Variants in DNAH17 observed in about 807,000 individuals in gnomAD.
DNAH17 encodes the protein dynein axonemal heavy chain 17, also known as axonemal beta dynein heavy chain 17.
In DNAH17, 376 loss-of-function variants were observed where a neutral mutation model predicts 485.6. The observed-to-expected ratio is 0.77, with a 90% CI of 0.71 to 0.84. The LOEUF is 0.84. DNAH17 is among the 40% of genes least tolerant of loss of function. The pLI, the probability that DNAH17 is intolerant of heterozygous loss-of-function variation, is 0.00. For missense variants in DNAH17, 6,370 were observed against 5,839.3 expected (o/e 1.09, Z -2.96); for synonymous variants, 3,031 against 2,405.9 (o/e 1.26, Z -7.60).
chr17:78,486,176 G>A (rs577605274), intron 45 of DNAH17, 43 bp from the exon 46 acceptor site: 124 of 1,597,034 alleles, frequency 7.8e-5, no homozygotes, highest in Non-Finnish European at 9.1e-5. Flanking sequence ...AGCTAAGCAG[G>A]ATGCTGAGAG....
rs116306341 is a variant in DNAH17, at chr17:78,438,468, G to A, written c.11806-600C>T. On this transcript the variant is annotated intron_variant, in intron 73 of 80. Coordinates refer to ENST00000389840, the MANE Select transcript of DNAH17 (RefSeq NM_173628.4). ...GAGGGAGGAGGGAGGAGGAGGAGGA[G>A]ATGCTTTTGTCAACCCAGCACTTGT... is the stretch of plus-strand genomic sequence containing the variant. 3.9e-3 allele frequency among the ~76,000 whole-genome samples: 336 copies of A among 86,048 alleles called. 5 individuals carry two copies. Among genetic ancestry groups the A allele is most frequent in the African/African-American group, 0.017 (307 of 17,684 alleles). The allele number at this position is 86,048 out of a possible 152,430, so 56.5% of individuals were successfully genotyped here.
At chr17:78,567,784 G>A (rs945919573) in intron 9 of DNAH17, among the ~76,000 whole-genome samples, 7 of 152,108 alleles carry the variant, frequency 4.6e-5, no homozygotes, top group African/African-American at 9.7e-5. Flanking sequence ...CATCTGCGCC[G>A]CTTGTGTTTG....
intron 52 of DNAH17, 65 bp from the exon 53 acceptor site, chr17:78,475,898 C>T (rs1467247211): frequency 6.4e-7 from 1 of 1,553,754 alleles, no homozygotes; most frequent in Non-Finnish European, 8.7e-7. Context: ...AGATAGTTAA[C>T]AGCAATTCAG....
chr17:78,532,086 C>CAT (rs1014979084), intron 20 of DNAH17, among the ~76,000 whole-genome samples: 49 of 152,342 alleles, frequency 3.2e-4, no homozygotes, highest in Middle Eastern at 3.4e-3. Context: ...CCTCAGCCCT[C>CAT]ATCTCCCTGA....
At chr17:78,493,009 C>G (rs2089929608) in intron 41 of DNAH17, 1 of 333,652 alleles carries the variant, frequency 3.0e-6, no homozygotes, top group Non-Finnish European at 5.5e-6. Flanking sequence ...CATGACCACA[C>G]CCGGCTAATT....
intron 71 of DNAH17, among the ~76,000 whole-genome samples, chr17:78,444,228 T>C (rs2087184994): frequency 6.6e-6 from 1 of 152,202 alleles, no homozygotes; most frequent in African/African-American, 2.4e-5. Context: ...ACGTCCACAC[T>C]TGACATCTTA....
At chr17:78,468,550 C>T in intron 55 of DNAH17, 67 bp downstream of exon 55, 2 of 1,536,726 alleles carry the variant, frequency 1.3e-6, no homozygotes. Context: ...AGAGCAAAAA[C>T]CCATACCCTG....
chr17:78,426,133 G>A (rs1042713962), intron 79 of DNAH17, among the ~76,000 whole-genome samples: 1 of 152,208 alleles, frequency 6.6e-6, no homozygotes, highest in African/African-American at 2.4e-5. Context: ...CCTGTTTGTG[G>A]ATAATTTAGG....
chr17:78,472,182 C>T (rs532672831), intron 54 of DNAH17, among the ~76,000 whole-genome samples: 17 of 151,906 alleles, frequency 1.1e-4, no homozygotes, highest in Non-Finnish European at 2.4e-4. Flanking sequence ...TGGCAGTAGA[C>T]AGGCAGGACA....
chr17:78,494,496 G>C (rs891948685), intron 40 of DNAH17, 97 bp downstream of exon 40: 2 of 1,334,148 alleles, frequency 1.5e-6, no homozygotes, highest in Non-Finnish European at 2.1e-6. Flanking sequence ...GGAAACGTGC[G>C]TGTGTGACAC....
In DNAH17 at chr17:78,485,252, T is replaced by C. The variant is rs978427701; in HGVS notation, c.7484-219A>G. The C allele has an allele frequency of 3.1e-5, 20 of 654,296 alleles. No homozygotes were observed. In the Middle Eastern group the frequency reaches 1.7e-3, roughly 55 times the overall value. 40.5% of individuals were successfully genotyped at this position (654,296 alleles called of 1,614,324 possible). On this transcript the variant is annotated intron_variant, in intron 47 of 80. Transcript: ENST00000389840. The stretch of plus-strand genomic sequence containing the variant: ...TCAGAGGCGAGGGTGGCAGGAACCT[T>C]GCTCTCCGTCACCTTTGGGTCGCCT...
At chr17:78,567,935 G>A (rs1413805458) in intron 9 of DNAH17, among the ~76,000 whole-genome samples, 2 of 152,156 alleles carry the variant, frequency 1.3e-5, no homozygotes, top group Admixed American at 6.5e-5. Context: ...GTTTAGACTG[G>A]AGATCTTCCT....
chr17:78,544,360 TG>T (rs1474642875), intron 16 of DNAH17, among the ~76,000 whole-genome samples: 15 of 152,166 alleles, frequency 9.9e-5, no homozygotes, highest in African/African-American at 3.4e-4. Flanking sequence ...TGGTCAATAC[TG>T]GGTGGATCGT....
rs146538664 is a variant in DNAH17 at position 78,428,533 on chromosome 17, C to T, written c.12580G>A (p.Glu4194Lys). ...DSGAGTGVSR[E>K]EKVKAVLDDI... is the part of the protein sequence containing the mutation. ...AGTTTCAAAGATCCTGCCTTCTCCT[C>T]GCGGGACACTCCCGTGCCTGCCCCC... The change falls in exon 77 of 81, where the codon GAG (glutamate) becomes AAG (lysine). Residue 4194 changes from glutamate to lysine, a missense_variant. By Grantham distance (56) the Glu-to-Lys change is moderately conservative. Transcript: ENST00000389840. The T allele has an allele frequency of 5.7e-5, 92 of 1,605,180 alleles. No individual in the cohort carries two copies. Among genetic ancestry groups the T allele is most frequent in the Admixed American group, 3.4e-4 (20 of 58,252 alleles).
At chr17:78,440,699 G>A (rs1465003620) in intron 72 of DNAH17, among the ~76,000 whole-genome samples, 1 of 152,206 alleles carries the variant, frequency 6.6e-6, no homozygotes, top group East Asian at 1.9e-4. Flanking sequence ...CGTCTGTGTA[G>A]AGTACTTGCT....
intron 71 of DNAH17, among the ~76,000 whole-genome samples, chr17:78,443,337 T>C (rs1181492954): frequency 6.6e-6 from 1 of 152,160 alleles, no homozygotes; most frequent in African/African-American, 2.4e-5. Context: ...TCCCAAACCC[T>C]GACCCCCGCT....
At chr17:78,483,687 G>T (rs957438494) in intron 48 of DNAH17, among the ~76,000 whole-genome samples, 2 of 152,088 alleles carry the variant, frequency 1.3e-5, no homozygotes, top group African/African-American at 4.8e-5. Flanking sequence ...TTAGGACCAT[G>T]ACCTCAAGTA....
At chr17:78,518,656 T>G (rs1035956224) in intron 25 of DNAH17, among the ~76,000 whole-genome samples, 10 of 152,194 alleles carry the variant, frequency 6.6e-5, no homozygotes, top group African/African-American at 2.2e-4. Context: ...AGGATCTAAT[T>G]GACACGTATA....
chr17:78,479,268 T>C (rs2089243128), intron 50 of DNAH17, among the ~76,000 whole-genome samples, 152 bp from the exon 51 acceptor site: 1 of 152,224 alleles, frequency 6.6e-6, no homozygotes, highest in Non-Finnish European at 1.5e-5. Context: ...GAATTTGCTG[T>C]TCTCCTTAAA....
Sources: allele counts gnomAD v4.1 joint callset (sites outside exome capture counted in the v4.1 genomes callset), GRCh38; gene constraint gnomAD v4.1.1; transcripts MANE v1.5; gene names NCBI Gene and HGNC (gene_info 2026-07-23, HGNC 2026-07-21).